Variants in RRAS2 observed in about 807,000 individuals in gnomAD.
The protein encoded by RRAS2 is RAS related 2, also known as ras-related protein R-Ras2.
RRAS2 carries 7 observed loss-of-function variants against 27.6 expected under a neutral mutation model. The ratio of observed to expected loss-of-function variants is 0.25; its 90% CI spans 0.14 to 0.48. The LOEUF (loss-of-function observed/expected upper bound fraction) is 0.48, where lower values mean the gene tolerates loss of function less well. Among genes scored for constraint, RRAS2 ranks in the 20% least tolerant of loss-of-function variants. RRAS2 has a pLI of 0.99. For missense variants in RRAS2, 178 were observed against 256.2 expected, an observed-to-expected ratio of 0.69 and a Z score of 2.08; for synonymous variants, 86 against 90.9, an observed-to-expected ratio of 0.95 and a Z score of 0.31.
intron 4 of RRAS2, among the ~76,000 whole-genome samples, chr11:14,285,387 GA>G (rs1453977714): frequency 1.3e-5 from 2 of 151,952 alleles, no homozygotes; most frequent in East Asian, 3.9e-4. Context: ...CGTCTCTCAA[GA>G]AAAAAACAAA....
At chr11:14,311,393 CAG>C (rs1294257153) in intron 1 of RRAS2, among the ~76,000 whole-genome samples, 1 of 152,072 alleles carries the variant, frequency 6.6e-6, no homozygotes, top group African/African-American at 2.4e-5. Flanking sequence ...TATTTTGAGA[CAG>C]AGTCTCTCCA....
intron 1 of RRAS2, among the ~76,000 whole-genome samples, chr11:14,311,202 C>T (rs956964919): frequency 2.6e-5 from 4 of 151,996 alleles, no homozygotes; most frequent in Non-Finnish European, 4.4e-5. Flanking sequence ...AAAATTGACC[C>T]GGTGTGGTGG....
chr11:14,284,188 T>C (rs1849608955), intron 4 of RRAS2, among the ~76,000 whole-genome samples: 1 of 152,234 alleles, frequency 6.6e-6, no homozygotes, highest in Non-Finnish European at 1.5e-5. Context: ...TGTCTCTATA[T>C]ATACTTCTTT....
chr11:14,288,090 C>T (rs540496879), intron 4 of RRAS2, among the ~76,000 whole-genome samples: 70 of 152,272 alleles, frequency 4.6e-4, no homozygotes, highest in African/African-American at 1.5e-3. Context: ...AGGTGACCTT[C>T]CCACATCAGC....
chr11:14,297,981 T>A (rs1554946882), intron 1 of RRAS2, among the ~76,000 whole-genome samples: 1 of 94,296 alleles, frequency 1.1e-5, no homozygotes, highest in Non-Finnish European at 2.2e-5. Context: ...ATCAATTCAC[T>A]TAACTAGCCT....
At chr11:14,340,990 A>G (rs1261695482) in intron 1 of RRAS2, among the ~76,000 whole-genome samples, 1 of 152,214 alleles carries the variant, frequency 6.6e-6, no homozygotes, top group African/African-American at 2.4e-5. Context: ...ATAAGTACCC[A>G]AATCAGGCAA....
intron 1 of RRAS2, among the ~76,000 whole-genome samples, chr11:14,343,104 A>T (rs115936952): frequency 7.0e-4 from 106 of 152,368 alleles, no homozygotes; most frequent in African/African-American, 2.2e-3. Context: ...TGTACTGTTC[A>T]TCTAAAACCA....
intron 1 of RRAS2, 157 bp from the exon 2 acceptor site, chr11:14,296,012 AAAAAAATT>A (rs1315237991): frequency 2.6e-5 from 13 of 498,402 alleles, no homozygotes; most frequent in African/African-American, 5.9e-5. Flanking sequence ...TATCTCTTAA[AAAAAAATT>A]AAAAAATTAA....
chr11:14,310,238 T>C (rs1591462024), intron 1 of RRAS2, among the ~76,000 whole-genome samples: 1 of 151,964 alleles, frequency 6.6e-6, no homozygotes, highest in African/African-American at 2.4e-5. Flanking sequence ...GAATACAGAG[T>C]GGTTTTGTAC....
intron 1 of RRAS2, among the ~76,000 whole-genome samples, chr11:14,308,861 T>G (rs1270598364): frequency 6.6e-6 from 1 of 152,210 alleles, no homozygotes; most frequent in Admixed American, 6.5e-5. Flanking sequence ...CAGACCTACA[T>G]ACCCCGCTTA....
intron 1 of RRAS2, among the ~76,000 whole-genome samples, chr11:14,319,554 T>C (rs1407689994): frequency 6.6e-6 from 1 of 151,360 alleles, no homozygotes; most frequent in African/African-American, 2.4e-5. Context: ...GAGACGGGGT[T>C]TCACCTTGTT....
At chr11:14,332,154 A>G (rs1274217066) in intron 1 of RRAS2, among the ~76,000 whole-genome samples, 2 of 152,168 alleles carry the variant, frequency 1.3e-5, no homozygotes, top group Non-Finnish European at 2.9e-5. Context: ...ATACGACCCA[A>G]TAATCACAAC....
chr11:14,359,240 G>A, upstream of RRAS2: 1 of 621,312 alleles, frequency 1.6e-6, no homozygotes, highest in Non-Finnish European at 2.0e-6. Flanking sequence ...GGGGAGGGGC[G>A]GGGCCGCGCC....
intron 1 of RRAS2, among the ~76,000 whole-genome samples, chr11:14,302,105 CA>C (rs1554947504): frequency 2.2e-5 from 3 of 133,648 alleles, no homozygotes; most frequent in African/African-American, 7.9e-5. Flanking sequence ...CACACACACA[CA>C]CACACCAAAA....
At chr11:14,347,624 A>G (rs1554954205) in intron 1 of RRAS2, among the ~76,000 whole-genome samples, 7 of 152,116 alleles carry the variant, frequency 4.6e-5, no homozygotes, top group Non-Finnish European at 8.8e-5. Context: ...GTTCAAGACC[A>G]GCCTGGGCAA....
At chr11:14,359,282 G>A (rs10832246), upstream of RRAS2, 184,574 of 555,600 alleles carry the variant, frequency 0.33, 32,287 homozygotes, top group South Asian at 0.42. Context: ...GGTAACCCGG[G>A]CTTCAGACCC....
intron 4 of RRAS2, among the ~76,000 whole-genome samples, chr11:14,294,270 T>C (rs1401000526): frequency 6.6e-6 from 1 of 152,228 alleles, no homozygotes; most frequent in Non-Finnish European, 1.5e-5. Flanking sequence ...GGAATTTTAA[T>C]TTCCCCAAAT....
chr11:14,328,617 A>G (rs1848417921), intron 1 of RRAS2, among the ~76,000 whole-genome samples: 1 of 152,136 alleles, frequency 6.6e-6, no homozygotes, highest in East Asian at 1.9e-4. Context: ...AAATATATAC[A>G]TGACACAAAG....
At chr11:14,335,962 C>G (rs1554952511) in intron 1 of RRAS2, among the ~76,000 whole-genome samples, 1 of 152,208 alleles carries the variant, frequency 6.6e-6, no homozygotes, top group East Asian at 1.9e-4. Context: ...GAAAAAACCT[C>G]TGCCCACACC....
Sources: allele counts gnomAD v4.1 joint callset (sites outside exome capture counted in the v4.1 genomes callset), GRCh38; gene constraint gnomAD v4.1.1; transcripts MANE v1.5; gene names NCBI Gene and HGNC (gene_info 2026-07-23, HGNC 2026-07-21).